GSG1L: variants seen among roughly 807,000 people sequenced by gnomAD.
The protein encoded by GSG1L is GSG1 like.
In GSG1L, 24 loss-of-function variants were observed where a neutral mutation model predicts 42.1. The observed-to-expected ratio is 0.57, with a 90% CI of 0.41 to 0.80. The LOEUF (loss-of-function observed/expected upper bound fraction) is 0.80, where lower values mean the gene tolerates loss of function less well. Among genes scored for constraint, GSG1L ranks in the 30% least tolerant of loss-of-function variants. The probability of loss-of-function intolerance (pLI) is 0.00; values close to 1 mark genes in which losing one functional copy is unlikely to be tolerated. For synonymous variants in GSG1L, 215 were observed against 203.5 expected (o/e 1.06, Z -0.48); for missense variants, 445 against 472.2 (o/e 0.94, Z 0.53).
At chr16:28,014,857 A>T (rs1421428359) in intron 1 of GSG1L, among the ~76,000 whole-genome samples, 2 of 151,336 alleles carry the variant, frequency 1.3e-5, no homozygotes, top group Non-Finnish European at 1.5e-5. Context: ...GGTATAATAA[A>T]CCTTTCTTGC....
intron 1 of GSG1L, among the ~76,000 whole-genome samples, chr16:27,978,536 C>T (rs1368284484): frequency 6.6e-6 from 1 of 151,926 alleles, no homozygotes; most frequent in Non-Finnish European, 1.5e-5. Context: ...ACTAAAAATA[C>T]AAAAATTAGC....
intron 2 of GSG1L, among the ~76,000 whole-genome samples, chr16:27,934,396 A>G (rs1310564287): frequency 2.0e-5 from 3 of 152,136 alleles, no homozygotes; most frequent in Non-Finnish European, 4.4e-5. Flanking sequence ...TTAGCCAGGC[A>G]TGATGGCAGG....
rs570550561 is a variant in GSG1L, at chr16:27,821,976, G to T, written c.830+6813C>A. Among the ~76,000 whole-genome samples the T allele has an allele frequency of 2.0e-5, 3 of 152,106 alleles. No homozygotes were observed. The South Asian group carries it at 6.3e-4, about 32-fold the overall frequency. Reference sequence around the variant, plus strand: ...CATGCAAGCTAAACAAAACACATCTGCAGGCCAGATTCTCCAAGGACTACC... The same window carrying T: ...CATGCAAGCTAAACAAAACACATCTTCAGGCCAGATTCTCCAAGGACTACC... On this transcript the variant is annotated intron_variant, in intron 5 of 6. Coordinates refer to ENST00000447459, the MANE Select transcript of GSG1L (RefSeq NM_001109763.2).
intron 1 of GSG1L, among the ~76,000 whole-genome samples, chr16:28,013,667 C>T (rs2085749760): frequency 6.6e-6 from 1 of 152,228 alleles, no homozygotes; most frequent in Admixed American, 6.5e-5. Context: ...GGATCCTGCT[C>T]TCTCAGCATT....
intron 2 of GSG1L, among the ~76,000 whole-genome samples, chr16:27,888,472 CT>C (rs2084066685): frequency 4.9e-5 from 3 of 61,810 alleles, no homozygotes; most frequent in African/African-American, 9.8e-5. Context: ...TTCTCTCTCT[CT>C]CTCTCTTTCC....
chr16:27,946,507 T>C (rs2084861634), intron 2 of GSG1L, among the ~76,000 whole-genome samples: 1 of 147,120 alleles, frequency 6.8e-6, no homozygotes, highest in Non-Finnish European at 1.5e-5. Flanking sequence ...ACTGTGCCAT[T>C]GCACTCCAGC....
At chr16:27,904,475 T>A (rs1176499305) in intron 2 of GSG1L, among the ~76,000 whole-genome samples, 1 of 152,136 alleles carries the variant, frequency 6.6e-6, no homozygotes, top group Non-Finnish European at 1.5e-5. Context: ...CTTTCCTTTT[T>A]ATTTTTTTCC....
At chr16:27,953,579 A>G (rs1335316145) in intron 2 of GSG1L, among the ~76,000 whole-genome samples, 1 of 152,132 alleles carries the variant, frequency 6.6e-6, no homozygotes, top group Non-Finnish European at 1.5e-5. Context: ...CACCAATGCA[A>G]AAGGTATTTA....
intron 6 of GSG1L, among the ~76,000 whole-genome samples, chr16:27,803,796 G>GAGATATATATATAT (rs2082916376): frequency 1.4e-5 from 1 of 73,828 alleles, no homozygotes; most frequent in African/African-American, 5.4e-5. Flanking sequence ...TATATATATA[G>GAGATATATATATAT]ATAGATAGAT....
At chr16:27,814,310 C>G (rs1346414162) in intron 5 of GSG1L, among the ~76,000 whole-genome samples, 1 of 152,134 alleles carries the variant, frequency 6.6e-6, no homozygotes, top group Non-Finnish European at 1.5e-5. Flanking sequence ...CAGGGTCTCA[C>G]TATATTGCCC....
intron 1 of GSG1L, among the ~76,000 whole-genome samples, chr16:27,968,385 G>A (rs2085157808): frequency 6.6e-6 from 1 of 152,066 alleles, no homozygotes; most frequent in African/African-American, 2.4e-5. Context: ...GAGTAGCTGA[G>A]ACCACAGGCA....
chr16:27,985,466 G>C (rs556615623), intron 1 of GSG1L, among the ~76,000 whole-genome samples: 1 of 152,304 alleles, frequency 6.6e-6, no homozygotes, highest in East Asian at 1.9e-4. Context: ...ACTTCCTGCA[G>C]TCTCAGCAGA....
chr16:27,978,671 A>G (rs2085277587), intron 1 of GSG1L, among the ~76,000 whole-genome samples: 1 of 139,702 alleles, frequency 7.2e-6, no homozygotes, highest in Admixed American at 7.4e-5. Context: ...AGCCTGGGTG[A>G]CAGAGCAAGA....
chr16:27,837,971 C>A (rs2083338184), intron 4 of GSG1L, among the ~76,000 whole-genome samples: 1 of 152,128 alleles, frequency 6.6e-6, no homozygotes, highest in Non-Finnish European at 1.5e-5. Context: ...ACCTAACCAG[C>A]CTACTGTCTT....
rs755711094 is a variant in GSG1L, at chr16:27,791,486, G to T, written c.899-19C>A. 6.9e-7 allele frequency: 1 copy of T among 1,449,174 alleles called. No homozygotes were observed. Among genetic ancestry groups the T allele is most frequent in the East Asian group, 2.6e-5 (1 of 38,370 alleles). 89.8% of individuals were successfully genotyped at this position (1,449,174 alleles called of 1,614,324 possible). A position where few individuals can be genotyped will look rare whatever the true frequency, so the allele number is the denominator to read the frequency against. On this transcript the variant is annotated intron_variant, in intron 6 of 6. Transcript: ENST00000447459. ...TGGTGTCCTGCCAGGAGACAAGGCGGTCAGTGCTGAAAGCCACCTTCCTCC... is the reference window on the plus strand; with the variant it reads ...TGGTGTCCTGCCAGGAGACAAGGCGTTCAGTGCTGAAAGCCACCTTCCTCC...
chr16:27,886,285 CA>C (rs1428527165), intron 2 of GSG1L, among the ~76,000 whole-genome samples: 1 of 152,100 alleles, frequency 6.6e-6, no homozygotes, highest in Non-Finnish European at 1.5e-5. Context: ...ACTAAAAATA[CA>C]AAAAGTAGCC....
intron 1 of GSG1L, among the ~76,000 whole-genome samples, chr16:28,037,789 T>C (rs1266918078): frequency 6.6e-6 from 1 of 152,220 alleles, no homozygotes; most frequent in Non-Finnish European, 1.5e-5. Flanking sequence ...CATTAGATCC[T>C]GTTTGTTCCC....
chr16:28,010,142 A>G (rs1229065873), intron 1 of GSG1L, among the ~76,000 whole-genome samples: 2 of 152,202 alleles, frequency 1.3e-5, no homozygotes, highest in Non-Finnish European at 2.9e-5. Context: ...AAGAGGGGCC[A>G]GGAGGATGCC....
chr16:27,933,751 A>G (rs2084682220), intron 2 of GSG1L, among the ~76,000 whole-genome samples: 1 of 152,090 alleles, frequency 6.6e-6, no homozygotes, highest in South Asian at 2.1e-4. Context: ...TCTGGAAGAA[A>G]ATTTGCCACT....
Sources: gnomAD v4.1 joint callset for allele counts (sites outside exome capture counted in the v4.1 genomes callset) on GRCh38, gnomAD v4.1.1 for gene constraint, MANE v1.5 for transcripts, NCBI Gene and HGNC (gene_info 2026-07-23, HGNC 2026-07-21) for gene names.